The following NCKAP1 variants were observed in gnomAD, a reference collection of about 807,000 sequenced individuals.
The protein encoded by NCKAP1 is nck-associated protein 1.
Under a neutral mutation model 151.2 loss-of-function variants are expected in NCKAP1, and 21 were observed. The observed-to-expected ratio is 0.14, with a 90% CI of 0.10 to 0.20. The LOEUF (loss-of-function observed/expected upper bound fraction) is 0.20. NCKAP1 is among the 10% of genes least tolerant of loss of function. NCKAP1 has a pLI of 1.00. For synonymous variants in NCKAP1, 484 were observed against 451.8 expected (o/e 1.07, Z -0.90); for missense variants, 933 against 1,352.1 (o/e 0.69, Z 4.86).
chr2:183,008,944 G>A (rs1277510178), intron 2 of NCKAP1, among the ~76,000 whole-genome samples: 1 of 152,128 alleles, frequency 6.6e-6, no homozygotes, highest in African/African-American at 2.4e-5. Flanking sequence ...GAATAGTCAT[G>A]TTTTAAAAGA....
intron 10 of NCKAP1, among the ~76,000 whole-genome samples, chr2:182,984,636 C>G (rs895847499): frequency 6.6e-6 from 1 of 151,720 alleles, no homozygotes; most frequent in African/African-American, 2.4e-5. Flanking sequence ...TCAAAAGATG[C>G]ACAATCTTTC....
chr2:182,951,329 T>C (rs1173382005), intron 23 of NCKAP1, among the ~76,000 whole-genome samples: 1 of 152,036 alleles, frequency 6.6e-6, no homozygotes, highest in Non-Finnish European at 1.5e-5. Flanking sequence ...ATGTGCTACA[T>C]CTGAACTGTA....
intron 20 of NCKAP1, among the ~76,000 whole-genome samples, chr2:182,955,164 C>A (rs7595898): frequency 0.063 from 9,643 of 152,284 alleles, 348 homozygotes; most frequent in Non-Finnish European, 0.08. Flanking sequence ...CTTAGTGCCA[C>A]TTTATATACT....
chr2:182,974,432 G>A (rs189498048), intron 15 of NCKAP1, among the ~76,000 whole-genome samples: 31 of 152,180 alleles, frequency 2.0e-4, no homozygotes, highest in Non-Finnish European at 3.8e-4. Flanking sequence ...TGGAATTAGG[G>A]TCTTTCCAGA....
chr2:182,949,718 CA>C (rs1388163782), intron 23 of NCKAP1, among the ~76,000 whole-genome samples: 5 of 152,152 alleles, frequency 3.3e-5, no homozygotes, highest in Admixed American at 2.0e-4. Context: ...CGCCTGAGCC[CA>C]GGGGGGCCAA....
At chr2:182,979,263 T>A (rs185613402) in intron 13 of NCKAP1, among the ~76,000 whole-genome samples, 1 of 152,190 alleles carries the variant, frequency 6.6e-6, no homozygotes, top group East Asian at 1.9e-4. Context: ...TAAGGGTGTA[T>A]AAGTAAACTT....
intron 2 of NCKAP1, among the ~76,000 whole-genome samples, chr2:183,014,133 C>T (rs1698639061): frequency 6.6e-6 from 1 of 152,126 alleles, no homozygotes; most frequent in Non-Finnish European, 1.5e-5. Context: ...TCTGTAAGAA[C>T]AGAGACTTCT....
At chr2:183,019,522 C>T (rs1698756538) in intron 2 of NCKAP1, among the ~76,000 whole-genome samples, 1 of 152,126 alleles carries the variant, frequency 6.6e-6, no homozygotes, top group South Asian at 2.1e-4. Flanking sequence ...AGATTCCCCT[C>T]CAGGTACCCT....
Position 182,983,307 on chromosome 2 carries a change from T to C in NCKAP1, c.1080A>G (p.Gln360=), listed in dbSNP as rs1463632374. The stretch of plus-strand genomic sequence containing the variant: ...TTACCTTGGGACCTAGCAATCCAGG[T>C]TGATCAGAGAGGACAGTAGCCAATT... The part of the protein sequence containing the change: ...LKELATVLSD[Q]PGLLGPKALF... Residue 360 remains glutamine (Q), a synonymous_variant, in exon 11 of 31, where the codon CAA becomes CAG. Coordinates refer to ENST00000361354, the MANE Select transcript of NCKAP1 (RefSeq NM_013436.5). 1.6e-5 allele frequency: 26 copies of C among 1,610,792 alleles called. No homozygotes were observed. Among genetic ancestry groups the C allele is most frequent in the South Asian group, 3.3e-5 (3 of 90,906 alleles).
chr2:182,971,734 A>C (rs1485524420), intron 15 of NCKAP1, among the ~76,000 whole-genome samples: 9 of 152,144 alleles, frequency 5.9e-5, no homozygotes, highest in Non-Finnish European at 1.2e-4. Flanking sequence ...AATGAAACGG[A>C]ACACAGAACC....
intron 18 of NCKAP1, among the ~76,000 whole-genome samples, chr2:182,959,576 T>C (rs982445597): frequency 8.5e-5 from 13 of 152,168 alleles, no homozygotes; most frequent in Non-Finnish European, 1.3e-4. Flanking sequence ...TAGGTATTGA[T>C]AGGATGTATC....
chr2:183,034,880 A>G (rs1028010711), intron 1 of NCKAP1, among the ~76,000 whole-genome samples: 38 of 152,154 alleles, frequency 2.5e-4, no homozygotes, highest in Admixed American at 2.5e-3. Context: ...TCCCCATTTT[A>G]CAGATGAGGA....
rs937498890 is a variant in NCKAP1, at chr2:182,921,785, G to C, written c.*3917C>G. ...ACAGTCAAGGACAGCGATGTGTAGG[G>C]AAAGTTTGGTTCATGCAAAAATGAA... On this transcript the variant is annotated 3_prime_UTR_variant, in exon 31 of 31. Coordinates refer to ENST00000361354, the MANE Select transcript of NCKAP1 (RefSeq NM_013436.5). 1.3e-5 allele frequency: 2 copies of C among 152,272 alleles called. No individual in the cohort carries two copies. The highest frequency in any genetic ancestry group is 4.8e-5 in the African/African-American group (2 of 41,544). 9.4% of individuals were successfully genotyped at this position (152,272 alleles called of 1,614,324 possible).
At chr2:182,928,502 A>T (rs1575010988) in intron 28 of NCKAP1, among the ~76,000 whole-genome samples, 1 of 152,194 alleles carries the variant, frequency 6.6e-6, no homozygotes, top group Non-Finnish European at 1.5e-5. Context: ...GTAGCTCGGA[A>T]ATAAAAAGGA....
chr2:182,982,960 T>C (rs752257577), intron 11 of NCKAP1, 33 bp from the exon 12 acceptor site: 4 of 1,480,440 alleles, frequency 2.7e-6, no homozygotes, highest in Non-Finnish European at 3.7e-6. Flanking sequence ...TTATTCTTAT[T>C]CAAAGATTAA....
At chr2:182,979,436 G>C (rs1231338295) in intron 13 of NCKAP1, among the ~76,000 whole-genome samples, 2 of 151,990 alleles carry the variant, frequency 1.3e-5, no homozygotes, top group East Asian at 1.9e-4. Context: ...TTTCAATCTA[G>C]CTTAAAAAAT....
Position 182,925,633 on chromosome 2 carries a change from T to C in NCKAP1, c.*69A>G, listed in dbSNP as rs886231533. The C allele has an allele frequency of 1.0e-5, 8 of 777,646 alleles. No homozygotes were observed. The highest frequency in any genetic ancestry group is 5.9e-5 in the East Asian group (2 of 34,036). The allele number at this position is 777,646 out of a possible 1,614,324, so 48.2% of individuals were successfully genotyped here. On this transcript the variant is annotated 3_prime_UTR_variant, in exon 31 of 31. Transcript: ENST00000361354. ...AACTTTTTCAGGTCTTAAGGTAAAA[T>C]AGTTCCACAGTCTACAGGTAAAACC...
At chr2:183,022,749 C>A (rs1698818953) in intron 2 of NCKAP1, 1 of 152,192 alleles carries the variant, frequency 6.6e-6, no homozygotes, top group African/African-American at 2.4e-5. Flanking sequence ...CTAGCATTTT[C>A]TTTCTACATG....
At position 182,913,855 on chromosome 2, in the gene NCKAP1, C is replaced by G. The variant is rs915402823; in HGVS notation, c.*11847G>C. On this transcript the variant is annotated 3_prime_UTR_variant, in exon 31 of 31. Transcript: ENST00000361354. Reference sequence around the variant, plus strand: ...GATCAGCACTCTGATGCTCTCTGCCCCCACAGCCTGTGGAAATACAGGAAA... The same window carrying G: ...GATCAGCACTCTGATGCTCTCTGCCGCCACAGCCTGTGGAAATACAGGAAA... 1 of 152,318 alleles carries G rather than the reference C, an allele frequency of 6.6e-6. No individual in the cohort carries two copies. Among genetic ancestry groups the G allele is most frequent in the African/African-American group, 2.4e-5 (1 of 41,426 alleles). 9.4% of individuals were successfully genotyped at this position (152,318 alleles called of 1,614,324 possible).
Sources: gnomAD v4.1 joint callset for allele counts (sites outside exome capture counted in the v4.1 genomes callset) on GRCh38, gnomAD v4.1.1 for gene constraint, MANE v1.5 for transcripts, NCBI Gene and HGNC (gene_info 2026-07-23, HGNC 2026-07-21) for gene names.